POU3F3: variants seen among roughly 807,000 people sequenced by gnomAD.
The protein encoded by POU3F3 is POU class 3 homeobox 3.
POU3F3 carries 1 observed loss-of-function variant against 8.6 expected under a neutral mutation model. That is an observed-to-expected ratio of 0.12 (90% CI 0.04 to 0.55). The LOEUF (loss-of-function observed/expected upper bound fraction) is 0.55, where lower values mean the gene tolerates loss of function less well. POU3F3 is among the 20% of genes least tolerant of loss of function. The pLI is 0.91. For missense variants in POU3F3, 577 were observed against 690.7 expected, an observed-to-expected ratio of 0.84 and a Z score of 1.84; for synonymous variants, 418 against 327.4, an observed-to-expected ratio of 1.28 and a Z score of -2.99.
the POU3F3 span, among the ~76,000 whole-genome samples, chr2:104,911,952 T>G: frequency 1.3e-5 from 2 of 152,136 alleles, no homozygotes; most frequent in Non-Finnish European, 2.9e-5. Flanking sequence ...TAAGAGCCAA[T>G]TTTCCAAAAG....
chr2:104,855,400 AGGAGGCG>A lies in POU3F3; in HGVS notation c.-101_-95del, dbSNP rs1284820771. 2.8e-4 allele frequency: 43 copies of A among 152,726 alleles called. No individual in the cohort carries two copies. Among genetic ancestry groups the A allele is most frequent in the African/African-American group, 2.5e-3 (12 of 4,794 alleles). 9.5% of individuals were successfully genotyped at this position (152,726 alleles called of 1,614,324 possible). On this transcript the variant is annotated 5_prime_UTR_variant, in exon 1 of 1. Coordinates refer to ENST00000361360, the MANE Select transcript of POU3F3 (RefSeq NM_006236.3). ...GGCGGGGGCGGGGAAGGAGGGGGGG[AGGAGGCG>A]GGAGGCGGGGGGCGCGGCGGCGGCG...
At chr2:104,870,148 C>T in the POU3F3 span, among the ~76,000 whole-genome samples, 2 of 152,174 alleles carry the variant, frequency 1.3e-5, no homozygotes, top group African/African-American at 4.8e-5. Context: ...TACCCCAGGC[C>T]CATTTCATTC....
the POU3F3 span, among the ~76,000 whole-genome samples, chr2:104,896,563 T>C: frequency 4.6e-5 from 7 of 152,232 alleles, no homozygotes; most frequent in East Asian, 1.3e-3. Context: ...AAATCCCCTC[T>C]CAACTTCTTC....
At chr2:104,921,329 C>T in the POU3F3 span, among the ~76,000 whole-genome samples, 1 of 152,210 alleles carries the variant, frequency 6.6e-6, no homozygotes, top group African/African-American at 2.4e-5. Flanking sequence ...AGTAGGAAGC[C>T]CCAGGAATCT....
chr2:104,857,036 GGCCGCCGCCGCC>G lies in POU3F3; in HGVS notation c.*30_*41del. 1 of 1,454,844 alleles carries G rather than the reference GGCCGCCGCCGCC, an allele frequency of 6.9e-7. No homozygotes were observed. The highest frequency in any genetic ancestry group is 1.4e-5 in the African/African-American group (1 of 70,362). 90.1% of individuals were successfully genotyped at this position (1,454,844 alleles called of 1,614,324 possible). ...TGAAGCCAGGGCGCAGAGCGAAGAG[GGCCGCCGCCGCC>G]GCCGCCTCCGCAGCCGCCGTCAGCA... On this transcript the variant is annotated 3_prime_UTR_variant, in exon 1 of 1. Coordinates refer to ENST00000361360, the MANE Select transcript of POU3F3 (RefSeq NM_006236.3).
the POU3F3 span, among the ~76,000 whole-genome samples, chr2:104,878,769 G>A: frequency 5.3e-5 from 8 of 152,182 alleles, no homozygotes; most frequent in African/African-American, 1.9e-4. Context: ...GTTTCTGGGT[G>A]GGTGGCAAAG....
chr2:104,857,683 G>A lies in POU3F3; in HGVS notation c.*670G>A, dbSNP rs1349452205. 6.5e-6 allele frequency: 1 copy of A among 153,464 alleles called. No homozygotes were observed. The highest frequency in any genetic ancestry group is 1.5e-5 in the Non-Finnish European group (1 of 68,030). The allele number at this position is 153,464 out of a possible 1,614,324, so 9.5% of individuals were successfully genotyped here. A position where few individuals can be genotyped will look rare whatever the true frequency, so the allele number is the denominator to read the frequency against. ...GGACGACACCGTGCTCTGGGACCCTGTTTTTCTTGGCCATATTAAAGTCAT... is the reference window on the plus strand; with the variant it reads ...GGACGACACCGTGCTCTGGGACCCTATTTTTCTTGGCCATATTAAAGTCAT... On this transcript the variant is annotated 3_prime_UTR_variant, in exon 1 of 1. Transcript: ENST00000361360.
the POU3F3 span, among the ~76,000 whole-genome samples, chr2:104,901,366 C>T: frequency 5.9e-5 from 9 of 152,250 alleles, no homozygotes; most frequent in Admixed American, 5.2e-4. Context: ...TTGGAGCGAT[C>T]GATATGTTTT....
chr2:104,911,961 A>C, the POU3F3 span, among the ~76,000 whole-genome samples: 1 of 152,242 alleles, frequency 6.6e-6, no homozygotes, highest in Non-Finnish European at 1.5e-5. Context: ...ATTTTCCAAA[A>C]GTCTTTATCC....
At chr2:104,920,165 C>A in the POU3F3 span, among the ~76,000 whole-genome samples, 1 of 152,194 alleles carries the variant, frequency 6.6e-6, no homozygotes, top group Non-Finnish European at 1.5e-5. Flanking sequence ...CAGGCGCATG[C>A]CATCACGCCC....
the POU3F3 span, among the ~76,000 whole-genome samples, chr2:104,927,341 GAC>G: frequency 6.6e-6 from 1 of 151,450 alleles, no homozygotes; most frequent in African/African-American, 2.4e-5. Context: ...GCTTTTTAAA[GAC>G]ACACAAAAAC....
chr2:104,903,200 G>A, the POU3F3 span, among the ~76,000 whole-genome samples: 1 of 152,100 alleles, frequency 6.6e-6, no homozygotes, highest in African/African-American at 2.4e-5. Context: ...TGCCCAGGAG[G>A]ACTAAACAAT....
the POU3F3 span, among the ~76,000 whole-genome samples, chr2:104,909,314 G>A: frequency 1.3e-5 from 2 of 152,152 alleles, no homozygotes; most frequent in African/African-American, 2.4e-5. Context: ...TGGTCCCAGC[G>A]GTCTGGAGGA....
At chr2:104,874,299 A>G in the POU3F3 span, among the ~76,000 whole-genome samples, 72 of 152,276 alleles carry the variant, frequency 4.7e-4, no homozygotes, top group African/African-American at 1.7e-3. Context: ...ACACAGGACA[A>G]AGGCACCGGA....
At position 104,855,673 on chromosome 2, in the gene POU3F3, A is replaced by G; in HGVS notation, c.163A>G (p.Ser55Gly). 2 of 1,100,048 alleles carry G rather than the reference A, an allele frequency of 1.8e-6. No homozygotes were observed. Among genetic ancestry groups the G allele is most frequent in the Non-Finnish European group, 1.1e-6 (1 of 896,852 alleles). 68.1% of individuals were successfully genotyped at this position (1,100,048 alleles called of 1,614,324 possible). ...GGGGGGMQPG[S>G]AAVTSGAYRG... ...CGGGGGCGGCGGCATGCAGCCGGGC[A>G]GCGCCGCCGTGACCTCGGGCGCCTA... is the stretch of plus-strand genomic sequence containing the variant. Residue 55 changes from serine to glycine, a missense_variant, in exon 1 of 1, where the codon AGC becomes GGC. Transcript: ENST00000361360.
At chr2:104,886,798 C>T in the POU3F3 span, among the ~76,000 whole-genome samples, 2 of 152,112 alleles carry the variant, frequency 1.3e-5, no homozygotes, top group Non-Finnish European at 2.9e-5. Flanking sequence ...ATCCCAGGTA[C>T]TCTGGAGGCT....
At chr2:104,903,493 T>C in the POU3F3 span, among the ~76,000 whole-genome samples, 1 of 152,252 alleles carries the variant, frequency 6.6e-6, no homozygotes, top group Admixed American at 6.5e-5. Context: ...ACTTCAGAGC[T>C]GCTGCACGCT....
At chr2:104,882,780 G>C in the POU3F3 span, among the ~76,000 whole-genome samples, 1 of 152,106 alleles carries the variant, frequency 6.6e-6, no homozygotes, top group Non-Finnish European at 1.5e-5. Flanking sequence ...TTCACACTCT[G>C]TTTCGAGAGT....
At chr2:104,896,577 A>G in the POU3F3 span, among the ~76,000 whole-genome samples, 1 of 152,246 alleles carries the variant, frequency 6.6e-6, no homozygotes, top group Admixed American at 6.5e-5. Flanking sequence ...CTTCTTCCAC[A>G]AGTAGCACAT....
Sources: gnomAD v4.1 joint callset for allele counts (sites outside exome capture counted in the v4.1 genomes callset) on GRCh38, gnomAD v4.1.1 for gene constraint, MANE v1.5 for transcripts, NCBI Gene and HGNC (gene_info 2026-07-23, HGNC 2026-07-21) for gene names.